Variants in PTPRD observed in about 807,000 individuals in gnomAD.
The protein encoded by PTPRD is protein tyrosine phosphatase receptor type D, also known as receptor-type tyrosine-protein phosphatase delta.
In PTPRD, 34 loss-of-function variants were observed where a neutral mutation model predicts 214.5. The ratio of observed to expected loss-of-function variants is 0.16; its 90% CI spans 0.12 to 0.21. The LOEUF (loss-of-function observed/expected upper bound fraction) is 0.21, where lower values mean the gene tolerates loss of function less well. Ranked by LOEUF, PTPRD falls within the 10% of genes least tolerant of loss-of-function variation. The pLI, the probability that PTPRD is intolerant of heterozygous loss-of-function variation, is 1.00. For missense variants in PTPRD, 2,545 were observed against 2,398.7 expected (o/e 1.06, Z -1.27); for synonymous variants, 1,128 against 845.7 (o/e 1.33, Z -5.79).
At chr9:9,061,364 T>C (rs1256747022) in intron 10 of PTPRD, among the ~76,000 whole-genome samples, 1 of 152,228 alleles carries the variant, frequency 6.6e-6, no homozygotes, top group East Asian at 1.9e-4. Flanking sequence ...TAACCTTTCA[T>C]GGATATGTAG....
At chr9:9,972,094 A>G (rs937950971) in intron 4 of PTPRD, among the ~76,000 whole-genome samples, 1 of 152,238 alleles carries the variant, frequency 6.6e-6, no homozygotes, top group African/African-American at 2.4e-5. Flanking sequence ...GACAATATGC[A>G]AAAATTATAC....
intron 10 of PTPRD, among the ~76,000 whole-genome samples, chr9:9,061,700 C>A (rs2099707709): frequency 6.6e-6 from 1 of 152,060 alleles, no homozygotes; most frequent in Non-Finnish European, 1.5e-5. Context: ...AATGAAAATC[C>A]TCTGATCTGT....
At chr9:8,626,511 G>C (rs2096043631) in intron 14 of PTPRD, among the ~76,000 whole-genome samples, 2 of 151,760 alleles carry the variant, frequency 1.3e-5, no homozygotes, top group South Asian at 4.1e-4. Context: ...AATATCTGGG[G>C]TGCTCAAATA....
chr9:9,059,432 A>AT (rs2099703194), intron 10 of PTPRD, among the ~76,000 whole-genome samples: 1 of 152,232 alleles, frequency 6.6e-6, no homozygotes, highest in Non-Finnish European at 1.5e-5. Flanking sequence ...AAGGATATAG[A>AT]CAAAGAATAA....
intron 43 of PTPRD, among the ~76,000 whole-genome samples, chr9:8,334,416 G>A (rs1388226664): frequency 6.7e-6 from 1 of 149,858 alleles, no homozygotes; most frequent in Non-Finnish European, 1.5e-5. Flanking sequence ...CATGGAAGCT[G>A]AACCACCTGC....
rs2099106154 is a variant in PTPRD at position 8,952,265 on chromosome 9, A to G, written c.-104+66432T>C. Among the ~76,000 whole-genome samples, 9 of 152,120 alleles carry G rather than the reference A, an allele frequency of 5.9e-5. No individual in the cohort carries two copies. The South Asian group carries it at 1.9e-3, about 31-fold the overall frequency. On this transcript the variant is annotated intron_variant, in intron 11 of 45. Transcript: ENST00000381196. ...GAAGAAACAAACTGATAATTAATGT[A>G]TGTTCTTACATGTCAAATCTCATGG...
chr9:8,357,630 G>A (rs891878952), intron 39 of PTPRD, among the ~76,000 whole-genome samples: 15 of 152,262 alleles, frequency 9.9e-5, no homozygotes, highest in African/African-American at 3.1e-4. Flanking sequence ...CCCACTCAAG[G>A]AAAATGAAGT....
Position 8,712,365 on chromosome 9 carries a change from A to T in PTPRD, c.64+21415T>A, listed in dbSNP as rs10758988. Among the ~76,000 whole-genome samples, 34 of 152,086 alleles carry T rather than the reference A, an allele frequency of 2.2e-4. No individual in the cohort carries two copies. The South Asian group carries it at 5.6e-3, about 25-fold the overall frequency. The stretch of plus-strand genomic sequence containing the variant: ...ACTGTTTATCAATTGTGTGTCTTTA[A>T]TAATGAACAACACTAAACAATCTTA... On this transcript the variant is annotated intron_variant, in intron 12 of 45. Transcript: ENST00000381196.
intron 11 of PTPRD, among the ~76,000 whole-genome samples, chr9:8,999,210 C>T (rs1330412693): frequency 6.6e-6 from 1 of 152,014 alleles, no homozygotes; most frequent in Non-Finnish European, 1.5e-5. Context: ...TGCTATCAAA[C>T]ACCATCACAC....
chr9:9,561,780 C>A (rs1219511270), intron 8 of PTPRD, among the ~76,000 whole-genome samples: 1 of 152,184 alleles, frequency 6.6e-6, no homozygotes. Flanking sequence ...ACATCACATA[C>A]TTTTCTTTCT....
chr9:9,905,135 AGTTCGTACTTGAACAC>A (rs1359016757), intron 5 of PTPRD, among the ~76,000 whole-genome samples: 25 of 152,132 alleles, frequency 1.6e-4, no homozygotes, highest in African/African-American at 6.0e-4. Context: ...TAGCCAATTT[AGTTCGTACTTGAACAC>A]GACATTTTTT....
chr9:8,871,200 A>G (rs946712479), intron 11 of PTPRD, among the ~76,000 whole-genome samples: 4 of 152,186 alleles, frequency 2.6e-5, no homozygotes, highest in African/African-American at 9.6e-5. Flanking sequence ...ACCAAAACAA[A>G]TAAACTGCAT....
At chr9:9,623,482 C>G (rs906800887) in intron 7 of PTPRD, among the ~76,000 whole-genome samples, 2 of 152,194 alleles carry the variant, frequency 1.3e-5, no homozygotes, top group Non-Finnish European at 2.9e-5. Context: ...TTGACAGGCA[C>G]TCACTGACGG....
At chr9:10,019,278 CAG>C (rs1208691808) in intron 4 of PTPRD, among the ~76,000 whole-genome samples, 3 of 152,144 alleles carry the variant, frequency 2.0e-5, no homozygotes, top group Non-Finnish European at 2.9e-5. Flanking sequence ...CAGGAAAAAA[CAG>C]GGGCTGGAGA....
intron 9 of PTPRD, among the ~76,000 whole-genome samples, chr9:9,379,394 A>G (rs1465715685): frequency 1.3e-5 from 2 of 151,736 alleles, no homozygotes; most frequent in South Asian, 2.1e-4. Flanking sequence ...AAATTGATCT[A>G]CTTTCCTATT....
intron 10 of PTPRD, among the ~76,000 whole-genome samples, chr9:9,087,904 T>TTTTC (rs2099769652): frequency 6.9e-6 from 1 of 144,700 alleles, no homozygotes; most frequent in Non-Finnish European, 1.5e-5. Flanking sequence ...TTTTTTTTTT[T>TTTTC]GAGACAGAGT....
chr9:9,230,136 A>G (rs2099962160), intron 9 of PTPRD, among the ~76,000 whole-genome samples: 1 of 152,054 alleles, frequency 6.6e-6, no homozygotes, highest in African/African-American at 2.4e-5. Flanking sequence ...TCATAAGCAA[A>G]TCTTTTGATC....
chr9:9,336,595 A>C (rs533739396), intron 9 of PTPRD, among the ~76,000 whole-genome samples: 1 of 152,238 alleles, frequency 6.6e-6, no homozygotes, highest in African/African-American at 2.4e-5. Context: ...TTGGCAGGTA[A>C]TATGTGTTCT....
intron 43 of PTPRD, among the ~76,000 whole-genome samples, chr9:8,332,923 T>C (rs191456678): frequency 6.6e-6 from 1 of 152,294 alleles, no homozygotes; most frequent in African/African-American, 2.4e-5. Context: ...TCAAACTTTT[T>C]TTAGATACAC....
Sources: gnomAD v4.1 joint callset for allele counts (sites outside exome capture counted in the v4.1 genomes callset) on GRCh38, gnomAD v4.1.1 for gene constraint, MANE v1.5 for transcripts, NCBI Gene and HGNC (gene_info 2026-07-23, HGNC 2026-07-21) for gene names.